The following MRPS16 variants were observed in gnomAD, a reference collection of about 807,000 sequenced individuals.
MRPS16 encodes the protein small ribosomal subunit protein bS16m.
Under a neutral mutation model 11.0 loss-of-function variants are expected in MRPS16, and 5 were observed. The observed-to-expected ratio is 0.46, with a 90% CI of 0.24 to 0.96. The LOEUF is 0.96. Ranked by LOEUF, MRPS16 falls within the 40% of genes least tolerant of loss-of-function variation. The probability of loss-of-function intolerance (pLI) is 0.20; values close to 1 mark genes in which losing one functional copy is unlikely to be tolerated. For synonymous variants in MRPS16, 76 were observed against 65.0 expected (o/e 1.17, Z -0.81); for missense variants, 179 against 174.4 (o/e 1.03, Z -0.15).
At chr10:73,251,733 C>T in intron 2 of MRPS16, 30 bp downstream of exon 2, 4 of 1,613,944 alleles carry the variant, frequency 2.5e-6, no homozygotes, top group Non-Finnish European at 3.4e-6. Flanking sequence ...TTAAAATCCC[C>T]TCAATAAGGT....
Position 73,252,006 on chromosome 10 carries a change from C to A in MRPS16, c.31G>T (p.Ala11Ser), listed in dbSNP as rs370721283. 5.0e-6 allele frequency: 8 copies of A among 1,613,814 alleles called. No homozygotes were observed. The African/African-American group carries it at 1.1e-4, about 22-fold the overall frequency. The change falls in exon 2 of 3, where the codon GCC (alanine) becomes TCC (serine). Residue 11 changes from alanine to serine, a missense_variant. Physicochemically the swap from Ala to Ser is moderately conservative, Grantham distance 99. Coordinates refer to ENST00000372945, the MANE Select transcript of MRPS16 (RefSeq NM_016065.4). ...ATGGTTAAGTGGCCCCCACGGTAGG[C>A]CTTGCAGAGGAGAGTAGCTGTAGAA... is the stretch of plus-strand genomic sequence containing the variant. MVHLTTLLCK[A>S]YRGGHLTIRL...
rs1034723002 is a variant in MRPS16 at position 73,251,939 on chromosome 10, C to T, written c.98G>A (p.Arg33His). ...ACACTTGTTGTGAGCAGCCACAATG[C>T]GGTAGAACGGCCGATTGGTGCAGCC... is the stretch of plus-strand genomic sequence containing the variant. ...LGGCTNRPFY[R>H]IVAAHNKCPR... The change falls in exon 2 of 3, where the codon CGC becomes CAC. Residue 33 changes from arginine to histidine, a missense_variant. Transcript: ENST00000372945. 1.9e-6 allele frequency: 3 copies of T among 1,614,042 alleles called. No homozygotes were observed. In the Admixed American group the frequency reaches 5.0e-5, roughly 27 times the overall value.
chr10:73,249,438 T>A lies in MRPS16; in HGVS notation c.*1414A>T. On this transcript the variant is annotated 3_prime_UTR_variant, in exon 3 of 3. Coordinates refer to ENST00000372945, the MANE Select transcript of MRPS16 (RefSeq NM_016065.4). ...TGGCATCAAGGTAGGAAGGAAAAGA[T>A]ACAAGAAGTAAAATGCAACACTCAT... The A allele has an allele frequency of 9.9e-7, 1 of 1,009,214 alleles. No individual in the cohort carries two copies. Among genetic ancestry groups the A allele is most frequent in the Non-Finnish European group, 1.4e-6 (1 of 691,012 alleles). 62.5% of individuals were successfully genotyped at this position (1,009,214 alleles called of 1,614,324 possible). A position where few individuals can be genotyped will look rare whatever the true frequency, so the allele number is the denominator to read the frequency against.
Position 73,250,805 on chromosome 10 carries a change from G to C in MRPS16, c.*47C>G. ...TTAAGATCGCTGCAGTGTTTCAAAAGGACCTTGACCTTGTTCCCACTGCTA... is the reference window on the plus strand; with the variant it reads ...TTAAGATCGCTGCAGTGTTTCAAAACGACCTTGACCTTGTTCCCACTGCTA... On this transcript the variant is annotated 3_prime_UTR_variant, in exon 3 of 3. Coordinates refer to ENST00000372945, the MANE Select transcript of MRPS16 (RefSeq NM_016065.4). The C allele has an allele frequency of 6.2e-7, 1 of 1,608,316 alleles. No individual in the cohort carries two copies. Among genetic ancestry groups the C allele is most frequent in the Non-Finnish European group, 8.5e-7 (1 of 1,178,144 alleles).
In MRPS16 at chr10:73,251,864, G is replaced by A. The variant is rs2044108187; in HGVS notation, c.173C>T (p.Pro58Leu). ...VEQLGSYDPL[P>L]NSHGEKLVAL... The stretch of plus-strand genomic sequence containing the variant: ...AACGAGTTTTTCTCCATGACTGTTG[G>A]GCAATGGATCATAGGAGCCCAGCTG... Residue 58 changes from proline to leucine, a missense_variant, in exon 2 of 3, where the codon CCC becomes CTC. Pro to Leu is a moderately conservative substitution (Grantham distance 98, BLOSUM62 -3). Coordinates refer to ENST00000372945, the MANE Select transcript of MRPS16 (RefSeq NM_016065.4). 1 of 1,614,068 alleles carries A rather than the reference G, an allele frequency of 6.2e-7. No individual in the cohort carries two copies.
chr10:73,249,277 C>T lies in MRPS16; in HGVS notation c.*1575G>A. On this transcript the variant is annotated 3_prime_UTR_variant, in exon 3 of 3. Transcript: ENST00000372945. ...AAATTCTTGATGTTGAATTTCATCTCACTGACTTCAGGCTTTTAAAACACA... is the reference window on the plus strand; with the variant it reads ...AAATTCTTGATGTTGAATTTCATCTTACTGACTTCAGGCTTTTAAAACACA... The T allele has an allele frequency of 1.3e-6, 2 of 1,549,232 alleles. No homozygotes were observed. Among genetic ancestry groups the T allele is most frequent in the Non-Finnish European group, 1.7e-6 (2 of 1,146,146 alleles).
In MRPS16 at chr10:73,250,471, C is replaced by A. The variant is rs919604644; in HGVS notation, c.*381G>T. Reference sequence around the variant, plus strand: ...AATCAATTAAGAAAGGTTAACTGTTCTTGCACTTGTGGGATGAACATGAAG... The same window carrying A: ...AATCAATTAAGAAAGGTTAACTGTTATTGCACTTGTGGGATGAACATGAAG... On this transcript the variant is annotated 3_prime_UTR_variant, in exon 3 of 3. Coordinates refer to ENST00000372945, the MANE Select transcript of MRPS16 (RefSeq NM_016065.4). The A allele has an allele frequency of 5.9e-5, 16 of 269,832 alleles. No homozygotes were observed. The highest frequency in any genetic ancestry group is 3.4e-4 in the Admixed American group (7 of 20,316). The allele number at this position is 269,832 out of a possible 1,614,324, so 16.7% of individuals were successfully genotyped here.
chr10:73,249,650 C>T lies in MRPS16; in HGVS notation c.*1202G>A, dbSNP rs1644771219. The T allele has an allele frequency of 3.6e-6, 1 of 278,652 alleles. No individual in the cohort carries two copies. The highest frequency in any genetic ancestry group is 6.1e-5 in the South Asian group (1 of 16,306). 17.3% of individuals were successfully genotyped at this position (278,652 alleles called of 1,614,324 possible). A position where few individuals can be genotyped will look rare whatever the true frequency, so the allele number is the denominator to read the frequency against. ...TCCCATCTATGATATATGCAGAAAT[C>T]ACAGCCACATTTGAATGGTTCAATC... is the stretch of plus-strand genomic sequence containing the variant. On this transcript the variant is annotated 3_prime_UTR_variant, in exon 3 of 3. Coordinates refer to ENST00000372945, the MANE Select transcript of MRPS16 (RefSeq NM_016065.4).
Position 73,251,930 on chromosome 10 carries a change from G to C in MRPS16, c.107C>G (p.Ala36Gly). 6.2e-7 allele frequency: 1 copy of C among 1,614,214 alleles called. No individual in the cohort carries two copies. The highest frequency in any genetic ancestry group is 1.3e-5 in the African/African-American group (1 of 75,048). The change falls in exon 2 of 3, where the codon GCT (alanine) becomes GGT (glycine). Residue 36 changes from alanine to glycine, a missense_variant. Coordinates refer to ENST00000372945, the MANE Select transcript of MRPS16 (RefSeq NM_016065.4). ...CTNRPFYRIVAAHNKCPRDGR... is the reference protein window; with the variant it reads ...CTNRPFYRIVGAHNKCPRDGR... ...ATCCCTGGGACACTTGTTGTGAGCA[G>C]CCACAATGCGGTAGAACGGCCGATT...
At position 73,250,831 on chromosome 10, in the gene MRPS16, T is replaced by G. The variant is rs1208512036; in HGVS notation, c.*21A>C. 4 of 1,612,882 alleles carry G rather than the reference T, an allele frequency of 2.5e-6. No individual in the cohort carries two copies. The highest frequency in any genetic ancestry group is 3.4e-6 in the Non-Finnish European group (4 of 1,179,938). On this transcript the variant is annotated 3_prime_UTR_variant, in exon 3 of 3. Transcript: ENST00000372945. ...GACCTTGACCTTGTTCCCACTGCTA[T>G]GCTCACTAAAGTCAGCTCATTTATG... is the stretch of plus-strand genomic sequence containing the variant.
chr10:73,250,546 C>G lies in MRPS16; in HGVS notation c.*306G>C. Reference sequence around the variant, plus strand: ...GGCTGGGGGTTTTGAAGCAGGAAGTCTTGGAAGCCAGTAAATTGTAAAGTT... The same window carrying G: ...GGCTGGGGGTTTTGAAGCAGGAAGTGTTGGAAGCCAGTAAATTGTAAAGTT... On this transcript the variant is annotated 3_prime_UTR_variant, in exon 3 of 3. Transcript: ENST00000372945. 1 of 406,212 alleles carries G rather than the reference C, an allele frequency of 2.5e-6. No individual in the cohort carries two copies. Among genetic ancestry groups the G allele is most frequent in the Non-Finnish European group, 4.6e-6 (1 of 217,092 alleles). The allele number at this position is 406,212 out of a possible 1,614,324, so 25.2% of individuals were successfully genotyped here.
intron 2 of MRPS16, 143 bp downstream of exon 2, chr10:73,251,620 A>G: frequency 8.7e-7 from 1 of 1,152,548 alleles, no homozygotes; most frequent in East Asian, 2.4e-5. Flanking sequence ...ACCTCAGGTG[A>G]TCCGCCCGCC....
At position 73,252,609 on chromosome 10, in the gene MRPS16, G is replaced by T; in HGVS notation, c.-127C>A. The T allele has an allele frequency of 1.4e-6, 2 of 1,394,652 alleles. No individual in the cohort carries two copies. Among genetic ancestry groups the T allele is most frequent in the Non-Finnish European group, 2.0e-6 (2 of 1,021,996 alleles). 86.4% of individuals were successfully genotyped at this position (1,394,652 alleles called of 1,614,324 possible). On this transcript the variant is annotated 5_prime_UTR_variant, in exon 1 of 3. Transcript: ENST00000372945. ...CCGACACCAGGCCGCACCGCCAAGCGGTACAAGCCCGAAAACCTCGACTCC... is the reference window on the plus strand; with the variant it reads ...CCGACACCAGGCCGCACCGCCAAGCTGTACAAGCCCGAAAACCTCGACTCC...
At chr10:73,252,287 G>T (rs1464087441) in intron 1 of MRPS16, 183 bp downstream of exon 1, 3 of 1,099,410 alleles carry the variant, frequency 2.7e-6, no homozygotes, top group South Asian at 1.4e-5. Flanking sequence ...GCTTCAATGG[G>T]GTGGAAATTT....
Position 73,249,330 on chromosome 10 carries a change from T to C in MRPS16, c.*1522A>G. 1 of 1,548,152 alleles carries C rather than the reference T, an allele frequency of 6.5e-7. No individual in the cohort carries two copies. Among genetic ancestry groups the C allele is most frequent in the Non-Finnish European group, 8.7e-7 (1 of 1,145,772 alleles). ...GGAATACTTGAGACCTAAGAATGGTTGTGAGTCAAATAAAAAAGTAGAACT... is the reference window on the plus strand; with the variant it reads ...GGAATACTTGAGACCTAAGAATGGTCGTGAGTCAAATAAAAAAGTAGAACT... On this transcript the variant is annotated 3_prime_UTR_variant, in exon 3 of 3. Coordinates refer to ENST00000372945, the MANE Select transcript of MRPS16 (RefSeq NM_016065.4).
chr10:73,251,732 C>T (rs1409552369), intron 2 of MRPS16, 31 bp downstream of exon 2: 2 of 1,613,800 alleles, frequency 1.2e-6, no homozygotes, highest in Non-Finnish European at 1.7e-6. Context: ...TTTAAAATCC[C>T]CTCAATAAGG....
In MRPS16 at chr10:73,250,783, A is replaced by G. The variant is rs2044078934; in HGVS notation, c.*69T>C. 6.3e-7 allele frequency: 1 copy of G among 1,586,888 alleles called. No individual in the cohort carries two copies. The highest frequency in any genetic ancestry group is 2.2e-5 in the East Asian group (1 of 44,752). On this transcript the variant is annotated 3_prime_UTR_variant, in exon 3 of 3. Coordinates refer to ENST00000372945, the MANE Select transcript of MRPS16 (RefSeq NM_016065.4). ...TTGAACTCCAAATCTAACAAAATTAAGATCGCTGCAGTGTTTCAAAAGGAC... is the reference window on the plus strand; with the variant it reads ...TTGAACTCCAAATCTAACAAAATTAGGATCGCTGCAGTGTTTCAAAAGGAC...
Position 73,249,240 on chromosome 10 carries a change from A to C in MRPS16, c.*1612T>G. ...TGGTATCTTTATATTATTTTTCCTT[A>C]CAAGTTACTTCAAATTCTTGATGTT... On this transcript the variant is annotated 3_prime_UTR_variant, in exon 3 of 3. Coordinates refer to ENST00000372945, the MANE Select transcript of MRPS16 (RefSeq NM_016065.4). 6.5e-7 allele frequency: 1 copy of C among 1,534,522 alleles called. No individual in the cohort carries two copies. The highest frequency in any genetic ancestry group is 8.8e-7 in the Non-Finnish European group (1 of 1,133,328).
At chr10:73,252,440 G>A (rs775444654) in intron 1 of MRPS16, 30 bp downstream of exon 1, 1 of 1,609,204 alleles carries the variant, frequency 6.2e-7, no homozygotes, top group Non-Finnish European at 8.5e-7. Context: ...GTGACCGCCC[G>A]GAACGTCTCG....
Sources: gnomAD v4.1 joint callset for allele counts on GRCh38, gnomAD v4.1.1 for gene constraint, MANE v1.5 for transcripts, NCBI Gene and HGNC (gene_info 2026-07-23, HGNC 2026-07-21) for gene names.